KLF7: variants seen among roughly 807,000 people sequenced by gnomAD.
The protein encoded by KLF7 is KLF transcription factor 7.
KLF7 carries 2 observed loss-of-function variants against 27.3 expected under a neutral mutation model. That is an observed-to-expected ratio of 0.07 (90% CI 0.03 to 0.23). The LOEUF (loss-of-function observed/expected upper bound fraction) is 0.23, where lower values mean the gene tolerates loss of function less well. Among genes scored for constraint, KLF7 ranks in the 10% least tolerant of loss-of-function variants. The pLI is 1.00. For synonymous variants in KLF7, 165 were observed against 162.4 expected (o/e 1.02, Z -0.12); for missense variants, 221 against 394.1 (o/e 0.56, Z 3.72).
At chr2:207,160,354 C>G (rs1428730533) in intron 1 of KLF7, among the ~76,000 whole-genome samples, 2 of 152,148 alleles carry the variant, frequency 1.3e-5, no homozygotes, top group African/African-American at 2.4e-5. Context: ...GGGAGCTGTC[C>G]TAAACTTTCA....
intron 2 of KLF7, among the ~76,000 whole-genome samples, chr2:207,105,845 C>A (rs1364258705): frequency 2.6e-5 from 4 of 152,142 alleles, no homozygotes; most frequent in Non-Finnish European, 5.9e-5. Flanking sequence ...TCTCCTAGAC[C>A]CTAGCACAGG....
At chr2:207,133,271 C>T (rs146882218) in intron 1 of KLF7, among the ~76,000 whole-genome samples, 5 of 152,112 alleles carry the variant, frequency 3.3e-5, no homozygotes, top group African/African-American at 4.8e-5. Flanking sequence ...TACACTTCCA[C>T]GGACAAAATG....
At chr2:207,081,346 CTTACT>C in intron 3 of KLF7, 82 bp from the exon 4 acceptor site, 1 of 1,218,014 alleles carries the variant, frequency 8.2e-7, no homozygotes, top group South Asian at 1.2e-5. Context: ...AATGATTTCC[CTTACT>C]TTAAACAGAG....
intron 2 of KLF7, among the ~76,000 whole-genome samples, chr2:207,099,960 T>C (rs1416124523): frequency 1.3e-5 from 2 of 152,060 alleles, no homozygotes; most frequent in Non-Finnish European, 2.9e-5. Context: ...TAGGTCCCTG[T>C]CTCTACAAAA....
chr2:207,111,590 G>C (rs968094854), intron 2 of KLF7, among the ~76,000 whole-genome samples: 8 of 152,194 alleles, frequency 5.3e-5, no homozygotes, highest in African/African-American at 1.9e-4. Context: ...GTGGCCATGA[G>C]AATTAGCAAA....
At chr2:207,096,779 G>A (rs1287062475) in intron 2 of KLF7, among the ~76,000 whole-genome samples, 6 of 152,156 alleles carry the variant, frequency 3.9e-5, no homozygotes, top group Non-Finnish European at 4.4e-5. Flanking sequence ...TAGCACAAAC[G>A]TTATACACAG....
chr2:207,081,328 C>G, intron 3 of KLF7, 64 bp from the exon 4 acceptor site: 1 of 1,302,842 alleles, frequency 7.7e-7, no homozygotes, highest in Non-Finnish European at 1.1e-6. Context: ...TTGCATCACT[C>G]CTTAGGAAAT....
At chr2:207,130,344 C>G (rs1404809049) in intron 1 of KLF7, among the ~76,000 whole-genome samples, 2 of 152,168 alleles carry the variant, frequency 1.3e-5, no homozygotes, top group African/African-American at 4.8e-5. Context: ...CTCTTCAACC[C>G]TGGACAATTA....
At chr2:207,090,965 T>C (rs1423014490) in intron 2 of KLF7, among the ~76,000 whole-genome samples, 3 of 152,108 alleles carry the variant, frequency 2.0e-5, no homozygotes, top group African/African-American at 7.2e-5. Context: ...CGAATGTAGT[T>C]AAAACTGGAG....
At chr2:207,103,053 G>A (rs1036021431) in intron 2 of KLF7, among the ~76,000 whole-genome samples, 1 of 152,078 alleles carries the variant, frequency 6.6e-6, no homozygotes, top group Non-Finnish European at 1.5e-5. Flanking sequence ...TCAGCCTCCT[G>A]AGTAGCTGGG....
upstream of KLF7, among the ~76,000 whole-genome samples, chr2:207,170,714 C>T (rs901663409): frequency 6.6e-6 from 1 of 152,018 alleles, no homozygotes; most frequent in Non-Finnish European, 1.5e-5. Flanking sequence ...AAGAACAAAG[C>T]ACATCTGTTT....
intron 1 of KLF7, among the ~76,000 whole-genome samples, chr2:207,133,570 T>C (rs1193783572): frequency 6.6e-6 from 1 of 152,170 alleles, no homozygotes; most frequent in Non-Finnish European, 1.5e-5. Flanking sequence ...TTTTTCAGCT[T>C]CCCATTAATT....
intron 1 of KLF7, among the ~76,000 whole-genome samples, chr2:207,131,116 T>C (rs1221526071): frequency 6.6e-6 from 1 of 152,226 alleles, no homozygotes; most frequent in East Asian, 1.9e-4. Flanking sequence ...TTCCACCATG[T>C]GGAAACTTGC....
chr2:207,124,522 G>A, intron 1 of KLF7, 118 bp from the exon 2 acceptor site: 1 of 989,674 alleles, frequency 1.0e-6, no homozygotes, highest in Non-Finnish European at 1.5e-6. Context: ...GCTTGTATCA[G>A]AAATGCCTTA....
At chr2:207,092,540 G>A (rs1349306942) in intron 2 of KLF7, among the ~76,000 whole-genome samples, 1 of 152,262 alleles carries the variant, frequency 6.6e-6, no homozygotes, top group East Asian at 1.9e-4. Flanking sequence ...ATAGCCAGAT[G>A]AGGGCTCGTA....
chr2:207,105,748 G>T (rs993891518), intron 2 of KLF7, among the ~76,000 whole-genome samples: 2 of 152,182 alleles, frequency 1.3e-5, no homozygotes. Flanking sequence ...GATCAAAGAG[G>T]AGTATCAGTT....
At chr2:207,137,666 A>C (rs958874844) in intron 1 of KLF7, among the ~76,000 whole-genome samples, 2 of 152,124 alleles carry the variant, frequency 1.3e-5, no homozygotes, top group African/African-American at 2.4e-5. Context: ...GGTTCCTATG[A>C]GTGTGAGTGT....
chr2:207,081,852 CAA>C (rs35500565), intron 3 of KLF7, among the ~76,000 whole-genome samples: 3,555 of 107,678 alleles, frequency 0.033, 119 homozygotes, highest in African/African-American at 0.1. Flanking sequence ...ATATTCAAGT[CAA>C]AAAAAAAAAA....
rs1185497415 is a variant in KLF7 at position 207,086,282 on chromosome 2, C to T, written c.857+2176G>A. Among the ~76,000 whole-genome samples the T allele has an allele frequency of 3.3e-5, 5 of 152,202 alleles. No individual in the cohort carries two copies. The South Asian group carries it at 1.0e-3, about 31-fold the overall frequency. On this transcript the variant is annotated intron_variant, in intron 3 of 3. Transcript: ENST00000309446. ...CAACTCCCGGTCACTCCAGGCTTTC[C>T]TTTCATCTGCTTTGGGACCACTCCA...
Sources: gnomAD v4.1 joint callset for allele counts (sites outside exome capture counted in the v4.1 genomes callset) on GRCh38, gnomAD v4.1.1 for gene constraint, MANE v1.5 for transcripts, NCBI Gene and HGNC (gene_info 2026-07-23, HGNC 2026-07-21) for gene names.